PCDHGA10: variants seen among roughly 807,000 people sequenced by gnomAD.
PCDHGA10 encodes protocadherin gamma subfamily A, 10, also known as protocadherin gamma-A10.
A neutral mutation model predicts 59.5 loss-of-function variants in PCDHGA10; 42 were observed. The observed-to-expected ratio is 0.71, with a 90% CI of 0.55 to 0.91. The LOEUF (loss-of-function observed/expected upper bound fraction) is 0.91, where lower values mean the gene tolerates loss of function less well. PCDHGA10 is among the 40% of genes least tolerant of loss of function. The probability of loss-of-function intolerance (pLI) is 0.00; values close to 1 mark genes in which losing one functional copy is unlikely to be tolerated. For synonymous variants in PCDHGA10, 511 were observed against 517.2 expected (o/e 0.99, Z 0.16); for missense variants, 1,111 against 1,198.2 (o/e 0.93, Z 1.07).
At chr5:141,422,171 T>C (rs1204753893) in intron 1 of PCDHGA10, 4 of 1,564,922 alleles carry the variant, frequency 2.6e-6, no homozygotes, top group Non-Finnish European at 3.4e-6. Context: ...AAATATAGAT[T>C]CTATGAGATG....
intron 1 of PCDHGA10, chr5:141,417,652 GCCTGGGATTC>G: frequency 2.4e-6 from 2 of 840,506 alleles, no homozygotes; most frequent in Non-Finnish European, 3.5e-6. Context: ...TCAGCCTCTA[GCCTGGGATTC>G]CCTGCGCAGC....
intron 1 of PCDHGA10, among the ~76,000 whole-genome samples, chr5:141,438,921 C>T (rs1204218608): frequency 6.6e-6 from 1 of 151,970 alleles, no homozygotes; most frequent in Non-Finnish European, 1.5e-5. Context: ...CTGCCTTGGC[C>T]TCCCAAAGTG....
chr5:141,436,856 G>A (rs942357563), intron 1 of PCDHGA10, among the ~76,000 whole-genome samples: 2 of 152,246 alleles, frequency 1.3e-5, no homozygotes, highest in Admixed American at 1.3e-4. Context: ...TGATTGAGAA[G>A]CCACAGTTTT....
At chr5:141,436,347 CT>C (rs1402378657) in intron 1 of PCDHGA10, among the ~76,000 whole-genome samples, 1 of 152,118 alleles carries the variant, frequency 6.6e-6, no homozygotes, top group African/African-American at 2.4e-5. Context: ...ATATCAGTGA[CT>C]TCAATCAACT....
Position 141,477,413 on chromosome 5 carries a change from G to A in PCDHGA10, c.2437-17394G>A. ...CCTCAGCATCACCGCCCGAGACGCC[G>A]GAACCCCTTCCCTCTCAGCCCTTAC... On this transcript the variant is annotated intron_variant, in intron 1 of 3. Transcript: ENST00000398610. This position sits in a 1 kb window ranked among gnomAD's most constrained non-coding sequence, Gnocchi z 4.9. 1 of 1,614,080 alleles carries A rather than the reference G, an allele frequency of 6.2e-7. No individual in the cohort carries two copies. Among genetic ancestry groups the A allele is most frequent in the Non-Finnish European group, 8.5e-7 (1 of 1,180,026 alleles).
intron 1 of PCDHGA10, among the ~76,000 whole-genome samples, chr5:141,463,725 C>A (rs1259646105): frequency 6.6e-6 from 1 of 152,026 alleles, no homozygotes. Flanking sequence ...GGATTACAGG[C>A]ATGAGCCACC....
chr5:141,438,358 G>A (rs1160913890), intron 1 of PCDHGA10, among the ~76,000 whole-genome samples: 1 of 151,634 alleles, frequency 6.6e-6, no homozygotes. Context: ...TCTGTGTATT[G>A]TCATTGAGGG....
At position 141,487,063 on chromosome 5, in the gene PCDHGA10, G is replaced by T; in HGVS notation, c.2437-7744G>T. The T allele has an allele frequency of 6.2e-7, 1 of 1,614,086 alleles. No homozygotes were observed. ...CTCGATATGCTGGGGAGGTGCGGACGGCTGTTCCTATCCCAGCTGACCTCC... is the reference window on the plus strand; with the variant it reads ...CTCGATATGCTGGGGAGGTGCGGACTGCTGTTCCTATCCCAGCTGACCTCC... On this transcript the variant is annotated intron_variant, in intron 1 of 3. Coordinates refer to ENST00000398610, the MANE Select transcript of PCDHGA10 (RefSeq NM_018913.3). The surrounding 1 kb of genome is among the most constrained non-coding windows in gnomAD (Gnocchi z 5.0).
At position 141,490,524 on chromosome 5, in the gene PCDHGA10, T is replaced by C. The variant is rs1197866164; in HGVS notation, c.2437-4283T>C. The C allele has an allele frequency of 1.2e-6, 2 of 1,613,990 alleles. No homozygotes were observed. Among genetic ancestry groups the C allele is most frequent in the Non-Finnish European group, 1.7e-6 (2 of 1,180,018 alleles). On this transcript the variant is annotated intron_variant, in intron 1 of 3. Transcript: ENST00000398610. The surrounding 1 kb of genome is among the most constrained non-coding windows in gnomAD (Gnocchi z 5.4). ...ATATCATCGAGCTGCTGGCCAGCGA[T>C]GCTGGTTCACCTTCCCTACACAAAC...
rs377704657 is a variant in PCDHGA10, at chr5:141,414,690, G to A, written c.1515G>A (p.Leu505=). The change falls in exon 1 of 4, where the codon CTG becomes CTA. Residue 505 remains leucine, a synonymous_variant. Transcript: ENST00000398610. ...AAGACACCATCCAGGGGGTACCTCT[G>A]TCCTCATACATATCCATCAACTCAG... ...LAEDTIQGVP[L]SSYISINSDT... 53 of 1,613,888 alleles carry A rather than the reference G, an allele frequency of 3.3e-5. No homozygotes were observed. The highest frequency in any genetic ancestry group is 1.6e-4 in the Middle Eastern group (1 of 6,084).
chr5:141,436,840 C>T (rs1195342311), intron 1 of PCDHGA10, among the ~76,000 whole-genome samples: 1 of 152,220 alleles, frequency 6.6e-6, no homozygotes, highest in Admixed American at 6.5e-5. Flanking sequence ...TGCCTAGGCA[C>T]ATTCTTGATT....
chr5:141,427,530 T>C (rs1302316196), intron 1 of PCDHGA10: 3 of 619,732 alleles, frequency 4.8e-6, no homozygotes, highest in Non-Finnish European at 9.0e-6. Context: ...GATCCCGGAG[T>C]ACAACGTCAC....
intron 2 of PCDHGA10, among the ~76,000 whole-genome samples, chr5:141,496,104 G>A (rs950960102): frequency 6.8e-6 from 1 of 146,980 alleles, no homozygotes; most frequent in African/African-American, 2.5e-5. Context: ...CCAACACCCC[G>A]CTCTCTTCCT....
intron 1 of PCDHGA10, among the ~76,000 whole-genome samples, chr5:141,456,460 C>G (rs1444956833): frequency 6.6e-6 from 1 of 152,002 alleles, no homozygotes; most frequent in East Asian, 1.9e-4. Context: ...AATATCAATA[C>G]AAGACATATA....
chr5:141,419,398 G>A (rs2096375486), intron 1 of PCDHGA10: 7 of 1,613,572 alleles, frequency 4.3e-6, no homozygotes, highest in Non-Finnish European at 5.1e-6. Flanking sequence ...AGAGCGGGGT[G>A]GTGTTCGCGC....
intron 1 of PCDHGA10, among the ~76,000 whole-genome samples, chr5:141,446,961 GA>G (rs1466390366): frequency 2.0e-5 from 3 of 152,070 alleles, no homozygotes; most frequent in Admixed American, 1.3e-4. Context: ...AGCACCCAGG[GA>G]AATTTGCTGT....
intron 1 of PCDHGA10, among the ~76,000 whole-genome samples, chr5:141,492,438 G>C (rs2099740636): frequency 6.6e-6 from 1 of 152,236 alleles, no homozygotes; most frequent in Non-Finnish European, 1.5e-5. Flanking sequence ...AGGAGTACTC[G>C]TAGCTGATTG....
rs774649069 is a variant in PCDHGA10 at position 141,477,417 on chromosome 5, C to G, written c.2437-17390C>G. The G allele has an allele frequency of 1.2e-6, 2 of 1,614,172 alleles. No individual in the cohort carries two copies. The highest frequency in any genetic ancestry group is 2.7e-5 in the African/African-American group (2 of 75,032). On this transcript the variant is annotated intron_variant, in intron 1 of 3. Coordinates refer to ENST00000398610, the MANE Select transcript of PCDHGA10 (RefSeq NM_018913.3). The surrounding 1 kb of genome is among the most constrained non-coding windows in gnomAD (Gnocchi z 4.9). Reference sequence around the variant, plus strand: ...AGCATCACCGCCCGAGACGCCGGAACCCCTTCCCTCTCAGCCCTTACAATA... The same window carrying G: ...AGCATCACCGCCCGAGACGCCGGAAGCCCTTCCCTCTCAGCCCTTACAATA...
intron 1 of PCDHGA10, chr5:141,427,050 G>A (rs974721070): frequency 4.4e-6 from 2 of 457,372 alleles, no homozygotes; most frequent in Non-Finnish European, 4.4e-6. Flanking sequence ...TGTGCCCCCA[G>A]GCACCTCTGT....
Sources: gnomAD v4.1 joint callset for allele counts (sites outside exome capture counted in the v4.1 genomes callset) on GRCh38, gnomAD v4.1.1 for gene constraint, Gnocchi (gnomAD v3.1) non-coding constraint, MANE v1.5 for transcripts, NCBI Gene and HGNC (gene_info 2026-07-23, HGNC 2026-07-21) for gene names.